Variants in C1orf141 observed in about 807,000 individuals in gnomAD.
The protein encoded by C1orf141 is chromosome 1 open reading frame 141, also known as uncharacterized protein C1orf141.
C1orf141 carries 19 observed loss-of-function variants against 23.2 expected under a neutral mutation model. The observed-to-expected ratio is 0.82, with a 90% CI of 0.57 to 1.20. The LOEUF (loss-of-function observed/expected upper bound fraction) is 1.20. Ranked by LOEUF, C1orf141 falls within the 50% of genes most tolerant of loss-of-function variation. The probability of loss-of-function intolerance (pLI) is 0.00; values close to 1 mark genes in which losing one functional copy is unlikely to be tolerated. For missense variants in C1orf141, 469 were observed against 455.1 expected (o/e 1.03, Z -0.28); for synonymous variants, 153 against 154.6 (o/e 0.99, Z 0.08).
At chr1:67,132,798 G>T (rs1646538993) in intron 1 of C1orf141, among the ~76,000 whole-genome samples, 1 of 152,116 alleles carries the variant, frequency 6.6e-6, no homozygotes, top group Admixed American at 6.5e-5. Flanking sequence ...TATAAAATGG[G>T]GTTATTGCCA....
At chr1:67,137,059 T>A (rs1311743775), upstream of C1orf141, among the ~76,000 whole-genome samples, 2 of 151,986 alleles carry the variant, frequency 1.3e-5, no homozygotes, top group Non-Finnish European at 2.9e-5. Context: ...ACAAAGAAAA[T>A]AAAATCTGCA....
intron 5 of C1orf141, 82 bp from the exon 6 acceptor site, chr1:67,096,403 T>C: frequency 1.3e-6 from 1 of 742,580 alleles, no homozygotes; most frequent in South Asian, 1.8e-5. Flanking sequence ...TATTTTACAA[T>C]TTAAAATAAC....
chr1:67,129,727 T>C (rs2102503821), intron 2 of C1orf141, among the ~76,000 whole-genome samples: 1 of 152,338 alleles, frequency 6.6e-6, no homozygotes, highest in Non-Finnish European at 1.5e-5. Flanking sequence ...AATTGACTGC[T>C]GTGACCTAAA....
chr1:67,129,712 G>A (rs1210437628), intron 2 of C1orf141, among the ~76,000 whole-genome samples: 1 of 152,210 alleles, frequency 6.6e-6, no homozygotes, highest in Non-Finnish European at 1.5e-5. Context: ...AAGTCTGGCA[G>A]CTGAAATTGA....
upstream of C1orf141, among the ~76,000 whole-genome samples, chr1:67,135,648 T>C (rs1570744462): frequency 6.6e-6 from 1 of 152,320 alleles, no homozygotes; most frequent in Non-Finnish European, 1.5e-5. Context: ...ATGGGAATCA[T>C]TTATTTTTAG....
chr1:67,119,950 A>G (rs1282813798), intron 4 of C1orf141, among the ~76,000 whole-genome samples: 1 of 152,184 alleles, frequency 6.6e-6, no homozygotes, highest in African/African-American at 2.4e-5. Context: ...TCTATTTCAA[A>G]GGGTAAGACC....
In C1orf141 at chr1:67,093,476, A is replaced by C; in HGVS notation, c.732T>G (p.Asn244Lys). The change falls in exon 8 of 8, where the codon AAT (asparagine) becomes AAG (lysine). Residue 244 changes from asparagine to lysine, a missense_variant. By Grantham distance (94) the Asn-to-Lys change is moderately conservative (BLOSUM62 0). This residue lies in a region of C1orf141 where 370 missense variants were observed against 348.1 expected (regional missense o/e 1.06). Coordinates refer to ENST00000684719, the MANE Select transcript of C1orf141 (RefSeq NM_001276351.2). ...NENIYPHKRT[N>K]FILERNCEIL... Reference sequence around the variant, plus strand: ...TTTCACAATTTCTTTCTAAAATGAAATTTGTTCTTTTATGTGGGTAAATGT... The same window carrying C: ...TTTCACAATTTCTTTCTAAAATGAACTTTGTTCTTTTATGTGGGTAAATGT... 1 of 1,610,194 alleles carries C rather than the reference A, an allele frequency of 6.2e-7. No individual in the cohort carries two copies. Among genetic ancestry groups the C allele is most frequent in the South Asian group, 1.1e-5 (1 of 90,556 alleles).
intron 5 of C1orf141, among the ~76,000 whole-genome samples, chr1:67,100,844 A>T (rs1429943612): frequency 6.6e-6 from 1 of 152,192 alleles, no homozygotes. Flanking sequence ...TTATGAGTTC[A>T]GGCACTTAGC....
chr1:67,125,890 T>C lies in C1orf141; in HGVS notation c.95A>G (p.Glu32Gly). Residue 32 changes from glutamate to glycine, a missense_variant, in exon 4 of 8, where the codon GAA becomes GGA. Coordinates refer to ENST00000684719, the MANE Select transcript of C1orf141 (RefSeq NM_001276351.2). Reference protein sequence around the residue: ...RRTKINRLQSEGRKTTMAIPL... With the variant: ...RRTKINRLQSGGRKTTMAIPL... ...TATAGCCATAGTTGTTTTTCTTCCTTCACTCTGAAGCCTGTTTATCTGCAG... is the reference window on the plus strand; with the variant it reads ...TATAGCCATAGTTGTTTTTCTTCCTCCACTCTGAAGCCTGTTTATCTGCAG... The C allele has an allele frequency of 6.2e-7, 1 of 1,601,742 alleles. No homozygotes were observed. The highest frequency in any genetic ancestry group is 8.5e-7 in the Non-Finnish European group (1 of 1,171,660).
At chr1:67,132,614 T>C (rs1646535535) in intron 1 of C1orf141, among the ~76,000 whole-genome samples, 1 of 152,204 alleles carries the variant, frequency 6.6e-6, no homozygotes, top group Non-Finnish European at 1.5e-5. Context: ...CACCTCCGAC[T>C]CTCAGCCTCA....
At chr1:67,109,462 G>A (rs1242133602) in intron 5 of C1orf141, among the ~76,000 whole-genome samples, 4 of 151,614 alleles carry the variant, frequency 2.6e-5, no homozygotes, top group Admixed American at 6.6e-5. Context: ...AGAACAAGAA[G>A]TCACTGGGCT....
intron 7 of C1orf141, 107 bp from the exon 8 acceptor site, chr1:67,093,711 A>G (rs1328594553): frequency 4.9e-6 from 4 of 817,158 alleles, no homozygotes; most frequent in Non-Finnish European, 7.2e-6. Context: ...AAAAATGACT[A>G]CATACAAATA....
chr1:67,114,923 G>A (rs57725967), intron 5 of C1orf141, among the ~76,000 whole-genome samples: 17 of 152,144 alleles, frequency 1.1e-4, no homozygotes, highest in East Asian at 1.9e-4. Flanking sequence ...GGATCCACCC[G>A]CCTCGGCCTC....
chr1:67,125,993 T>C, intron 3 of C1orf141, 84 bp from the exon 4 acceptor site: 1 of 1,352,350 alleles, frequency 7.4e-7, no homozygotes, highest in South Asian at 1.5e-5. Context: ...AGAAAAAAAA[T>C]CTCACTTTAC....
At chr1:67,138,805 T>C (rs1646607164), upstream of C1orf141, 1 of 152,370 alleles carries the variant, frequency 6.6e-6, no homozygotes, top group Admixed American at 6.5e-5. Context: ...TCAGAACTTC[T>C]GCAGCCCCCT....
intron 5 of C1orf141, among the ~76,000 whole-genome samples, chr1:67,107,675 G>A (rs1253882502): frequency 6.6e-6 from 1 of 152,180 alleles, no homozygotes; most frequent in Non-Finnish European, 1.5e-5. Flanking sequence ...GATCACCTGA[G>A]GTGGGGAGTT....
chr1:67,093,862 T>C lies in C1orf141; in HGVS notation c.604-258A>G. On this transcript the variant is annotated intron_variant, in intron 7 of 7. Transcript: ENST00000684719. ...GGCCTTAAATGTTTTTTGAAATAAA[T>C]TGGAATACGAAAAAATTAATATATT... The C allele has an allele frequency of 8.8e-6, 2 of 227,090 alleles. 1 individual carries two copies. Among genetic ancestry groups the C allele is most frequent in the East Asian group, 1.7e-4 (2 of 11,638 alleles). The allele number at this position is 227,090 out of a possible 1,614,324, so 14.1% of individuals were successfully genotyped here. A position where few individuals can be genotyped will look rare whatever the true frequency, so the allele number is the denominator to read the frequency against.
At chr1:67,124,927 T>C (rs1415199249) in intron 4 of C1orf141, among the ~76,000 whole-genome samples, 3 of 152,232 alleles carry the variant, frequency 2.0e-5, no homozygotes, top group African/African-American at 7.2e-5. Flanking sequence ...CTACTACCAA[T>C]GTCCAATTAA....
At chr1:67,124,778 T>C (rs11209002) in intron 4 of C1orf141, among the ~76,000 whole-genome samples, 117,347 of 152,108 alleles carry the variant, frequency 0.77, 45,799 homozygotes, top group East Asian at 0.91. Flanking sequence ...CTCTTCATCA[T>C]TACTATACCC....
Sources: gnomAD v4.1 joint callset for allele counts (sites outside exome capture counted in the v4.1 genomes callset) on GRCh38, gnomAD v4.1.1 for gene constraint, gnomAD v4.1.1 regional missense constraint, MANE v1.5 for transcripts, NCBI Gene and HGNC (gene_info 2026-07-23, HGNC 2026-07-21) for gene names.